PIK3R6: variants seen among roughly 807,000 people sequenced by gnomAD.
PIK3R6 encodes phosphoinositide 3-kinase regulatory subunit 6.
PIK3R6 carries 91 observed loss-of-function variants against 84.9 expected under a neutral mutation model. That is an observed-to-expected ratio of 1.07 (90% confidence interval 0.90 to 1.28). The LOEUF is 1.28. PIK3R6 is among the 50% of genes most tolerant of loss of function. The pLI, the probability that PIK3R6 is intolerant of heterozygous loss-of-function variation, is 0.00. For missense variants in PIK3R6, 996 were observed against 985.1 expected, an observed-to-expected ratio of 1.01 and a Z score of -0.15; for synonymous variants, 416 against 411.4, an observed-to-expected ratio of 1.01 and a Z score of -0.13.
intron 9 of PIK3R6, among the ~76,000 whole-genome samples, chr17:8,831,257 G>A (rs2088228167): frequency 6.8e-6 from 1 of 146,112 alleles, no homozygotes; most frequent in South Asian, 2.2e-4. Context: ...TTAAGCCCAG[G>A]AGGTCAAGGC....
In PIK3R6 at chr17:8,863,814, G is replaced by A. The variant is rs1026565895; in HGVS notation, c.-92+3715C>T. Among the ~76,000 whole-genome samples, 26 of 152,190 alleles carry A rather than the reference G, an allele frequency of 1.7e-4. 2 individuals carry two copies. The highest frequency in any genetic ancestry group is 7.3e-5 in the Non-Finnish European group (5 of 68,036). On this transcript the variant is annotated intron_variant, in intron 1 of 19. Coordinates refer to ENST00000619866, the MANE Select transcript of PIK3R6 (RefSeq NM_001010855.4). Reference sequence around the variant, plus strand: ...TCCCAAAGTGCTGGGGATTACAGGCGTGAGCCACCGCGCCCGGCCAGTTTC... The same window carrying A: ...TCCCAAAGTGCTGGGGATTACAGGCATGAGCCACCGCGCCCGGCCAGTTTC...
chr17:8,851,483 T>A (rs988270800), intron 1 of PIK3R6, among the ~76,000 whole-genome samples: 1 of 151,910 alleles, frequency 6.6e-6, no homozygotes, highest in South Asian at 2.1e-4. Flanking sequence ...GGCGACAGAG[T>A]GAGACTCCGT....
chr17:8,837,987 G>C, intron 4 of PIK3R6, 116 bp from the exon 5 acceptor site: 1 of 828,886 alleles, frequency 1.2e-6, no homozygotes, highest in South Asian at 1.5e-5. Context: ...GCCAGGGGGA[G>C]AGCAAAGGGC....
chr17:8,804,549 C>T (rs1329810472), intron 18 of PIK3R6, among the ~76,000 whole-genome samples: 1 of 152,014 alleles, frequency 6.6e-6, no homozygotes, highest in African/African-American at 2.4e-5. Flanking sequence ...AAGTCTTGAC[C>T]CCGGTTCTCA....
chr17:8,859,069 GA>G (rs2089210681), intron 1 of PIK3R6, among the ~76,000 whole-genome samples: 1 of 152,226 alleles, frequency 6.6e-6, no homozygotes, highest in Non-Finnish European at 1.5e-5. Context: ...GTAAAATGAA[GA>G]AACAAAGCCT....
intron 10 of PIK3R6, 37 bp from the exon 11 acceptor site, chr17:8,829,027 G>A (rs2088063606): frequency 1.4e-6 from 2 of 1,479,562 alleles, no homozygotes; most frequent in Admixed American, 2.6e-5. Context: ...GGACACGTGA[G>A]GCTGGCAGGG....
At chr17:8,833,889 C>T (rs1051630993) in intron 8 of PIK3R6, among the ~76,000 whole-genome samples, 4 of 151,748 alleles carry the variant, frequency 2.6e-5, no homozygotes, top group African/African-American at 9.7e-5. Context: ...AGCCATGCAG[C>T]CCAGCGCGGT....
chr17:8,822,488 G>T, intron 16 of PIK3R6, 99 bp downstream of exon 16: 1 of 1,365,024 alleles, frequency 7.3e-7, no homozygotes, highest in Non-Finnish European at 1.0e-6. Flanking sequence ...AGGGGCAGAA[G>T]CTTCCTTTGG....
Position 8,822,665 on chromosome 17 carries a change from G to A in PIK3R6, c.1718-8C>T, listed in dbSNP as rs375895093. 3 of 1,613,814 alleles carry A rather than the reference G, an allele frequency of 1.9e-6. No individual in the cohort carries two copies. Among genetic ancestry groups the A allele is most frequent in the South Asian group, 2.2e-5 (2 of 91,068 alleles). ...TCCTGGGTGAAAAGCCATCTGTGGG[G>A]AGATGAGAAGAGGCTTGGGGTGGAG... On this transcript the variant is annotated splice_polypyrimidine_tract_variant and splice_region_variant and intron_variant, in intron 15 of 19. Coordinates refer to ENST00000619866, the MANE Select transcript of PIK3R6 (RefSeq NM_001010855.4).
At chr17:8,857,983 A>G (rs968862177) in intron 1 of PIK3R6, among the ~76,000 whole-genome samples, 2 of 151,922 alleles carry the variant, frequency 1.3e-5, no homozygotes, top group Non-Finnish European at 2.9e-5. Flanking sequence ...TCATTTGCTC[A>G]TTCCTTCATT....
At chr17:8,841,939 T>C (rs1278326016) in intron 2 of PIK3R6, among the ~76,000 whole-genome samples, 1 of 152,190 alleles carries the variant, frequency 6.6e-6, no homozygotes, top group African/African-American at 2.4e-5. Context: ...TGGTGGTGGA[T>C]GCTTCATGAA....
chr17:8,857,510 G>A (rs540498088), intron 1 of PIK3R6, among the ~76,000 whole-genome samples: 3 of 152,256 alleles, frequency 2.0e-5, no homozygotes, highest in East Asian at 3.9e-4. Context: ...GTCTGGGGCG[G>A]CCTGGGTTAA....
intron 13 of PIK3R6, among the ~76,000 whole-genome samples, chr17:8,824,460 C>T (rs73249261): frequency 0.012 from 1,801 of 152,282 alleles, 52 homozygotes; most frequent in African/African-American, 0.042. Context: ...ATATCCGATC[C>T]TCTAAGACCT....
At chr17:8,836,710 C>T (rs568644173) in intron 6 of PIK3R6, 81 bp downstream of exon 6, 127 of 1,610,462 alleles carry the variant, frequency 7.9e-5, no homozygotes, top group African/African-American at 6.4e-4. Context: ...TTGAGCTCCC[C>T]GGTATCCTGG....
chr17:8,827,402 G>C (rs1215337150), intron 12 of PIK3R6, 108 bp from the exon 13 acceptor site: 7 of 1,296,720 alleles, frequency 5.4e-6, no homozygotes, highest in Middle Eastern at 1.9e-4. Context: ...TTAACCTCTT[G>C]GGGCATGAAT....
intron 10 of PIK3R6, 29 bp downstream of exon 10, chr17:8,829,675 ACT>A (rs1295540974): frequency 5.2e-6 from 8 of 1,538,604 alleles, no homozygotes; most frequent in Non-Finnish European, 7.0e-6. Context: ...GACATATACC[ACT>A]GTTTCCAGAC....
chr17:8,851,191 A>C (rs1170603722), intron 1 of PIK3R6, among the ~76,000 whole-genome samples: 1 of 151,650 alleles, frequency 6.6e-6, no homozygotes, highest in East Asian at 1.9e-4. Flanking sequence ...AGAAAAAAAA[A>C]ACAAAAACAA....
Position 8,844,800 on chromosome 17 carries a change from T to G in PIK3R6, c.13+4982A>C, listed in dbSNP as rs1339868677. The stretch of plus-strand genomic sequence containing the variant: ...TAGTACTAGTACCCACACTAACTAG[T>G]TTTTCAACTCTTGCCCCTTTCCCTC... On this transcript the variant is annotated intron_variant, in intron 2 of 19. Transcript: ENST00000619866. This position sits in a 1 kb window ranked among gnomAD's most constrained non-coding sequence, Gnocchi z 4.5. 1.3e-5 allele frequency among the ~76,000 whole-genome samples: 2 copies of G among 151,812 alleles called. No individual in the cohort carries two copies. The highest frequency in any genetic ancestry group is 2.9e-5 in the Non-Finnish European group (2 of 67,922).
intron 17 of PIK3R6, 39 bp from the exon 18 acceptor site, chr17:8,819,237 G>A (rs1214592252): frequency 7.0e-7 from 1 of 1,435,634 alleles, no homozygotes; most frequent in Non-Finnish European, 9.6e-7. Context: ...GACCTCCAGG[G>A]AAGTAGGGGA....
Sources: gnomAD v4.1 joint callset for allele counts (sites outside exome capture counted in the v4.1 genomes callset) on GRCh38, gnomAD v4.1.1 for gene constraint, Gnocchi (gnomAD v3.1) non-coding constraint, MANE v1.5 for transcripts, NCBI Gene and HGNC (gene_info 2026-07-23, HGNC 2026-07-21) for gene names.